Variants in JAKMIP1 observed in about 807,000 individuals in gnomAD.
The protein encoded by JAKMIP1 is janus kinase and microtubule-interacting protein 1.
Under a neutral mutation model 113.0 loss-of-function variants are expected in JAKMIP1, and 33 were observed. The observed-to-expected ratio is 0.29, with a 90% CI of 0.22 to 0.39. The LOEUF (loss-of-function observed/expected upper bound fraction) is 0.39, where lower values mean the gene tolerates loss of function less well. JAKMIP1 is among the 10% of genes least tolerant of loss of function. The pLI is 1.00. For missense variants in JAKMIP1, 813 were observed against 1,080.5 expected, an observed-to-expected ratio of 0.75 and a Z score of 3.47; for synonymous variants, 480 against 459.9, an observed-to-expected ratio of 1.04 and a Z score of -0.56.
chr4:6,169,996 A>C (rs868707349), intron 1 of JAKMIP1, among the ~76,000 whole-genome samples: 1,118 of 80,912 alleles, frequency 0.014, 22 homozygotes, highest in Admixed American at 0.079. Context: ...CACCACCACC[A>C]CCACCACCAC....
At chr4:6,151,896 T>G (rs1371509136) in intron 1 of JAKMIP1, among the ~76,000 whole-genome samples, 1 of 152,208 alleles carries the variant, frequency 6.6e-6, no homozygotes, top group Non-Finnish European at 1.5e-5. Flanking sequence ...GTAAAAGCAG[T>G]GAGCACAGTG....
chr4:6,063,396 A>G (rs1717591382), intron 9 of JAKMIP1, among the ~76,000 whole-genome samples: 1 of 152,228 alleles, frequency 6.6e-6, no homozygotes, highest in Non-Finnish European at 1.5e-5. Flanking sequence ...AGTTAAACAT[A>G]AAAGGCCCAT....
At chr4:6,198,016 G>A (rs368539186) in intron 1 of JAKMIP1, among the ~76,000 whole-genome samples, 8 of 152,248 alleles carry the variant, frequency 5.3e-5, no homozygotes, top group South Asian at 4.2e-4. Flanking sequence ...CTGACAGCAC[G>A]GGCAGTGTCT....
Position 6,143,334 on chromosome 4 carries a change from G to A in JAKMIP1, c.-147-30337C>T, listed in dbSNP as rs560401271. 9.2e-4 allele frequency among the ~76,000 whole-genome samples: 140 copies of A among 152,256 alleles called. No individual in the cohort carries two copies. The highest frequency in any genetic ancestry group is 3.2e-3 in the African/African-American group (132 of 41,530). Reference sequence around the variant, plus strand: ...CCTGTCTGAATCTCAGCCAATTCTGGGATCTGGGTGTGGGAAGCCTCCTTT... The same window carrying A: ...CCTGTCTGAATCTCAGCCAATTCTGAGATCTGGGTGTGGGAAGCCTCCTTT... On this transcript the variant is annotated intron_variant, in intron 1 of 20. Coordinates refer to ENST00000409021, the MANE Select transcript of JAKMIP1 (RefSeq NM_001099433.2). The surrounding 1 kb of genome is among the most constrained non-coding windows in gnomAD (Gnocchi z 4.9).
chr4:6,048,869 G>A lies in JAKMIP1; in HGVS notation c.2016C>T (p.Ala672=), dbSNP rs1560109076. The change falls in exon 16 of 21, where the codon GCC becomes GCT. Residue 672 remains alanine, a synonymous_variant. Transcript: ENST00000409021. Reference sequence around the variant, plus strand: ...CGCTGGCTTCTACCTTTTCACACAGGGCAAGCACAGTTCCAGCTTGGATTA... The same window carrying A: ...CGCTGGCTTCTACCTTTTCACACAGAGCAAGCACAGTTCCAGCTTGGATTA... ...VAIIQAGTVL[A]LCEKWLKQIE... 3.7e-6 allele frequency: 6 copies of A among 1,613,752 alleles called. No individual in the cohort carries two copies. The highest frequency in any genetic ancestry group is 5.1e-6 in the Non-Finnish European group (6 of 1,179,716).
chr4:6,165,297 T>C (rs1019479916), intron 1 of JAKMIP1, among the ~76,000 whole-genome samples: 2 of 152,244 alleles, frequency 1.3e-5, no homozygotes, highest in Non-Finnish European at 2.9e-5. Flanking sequence ...TGTTTTATTT[T>C]GTTTTGTTTT....
intron 17 of JAKMIP1, among the ~76,000 whole-genome samples, chr4:6,041,717 T>A (rs149637567): frequency 6.6e-6 from 1 of 152,306 alleles, no homozygotes; most frequent in African/African-American, 2.4e-5. Flanking sequence ...TAAAGTCCAG[T>A]TTCCCAAGTT....
At chr4:6,078,424 C>G (rs1466132469) in intron 8 of JAKMIP1, among the ~76,000 whole-genome samples, 1 of 128,802 alleles carries the variant, frequency 7.8e-6, no homozygotes, top group Non-Finnish European at 1.6e-5. Context: ...TTTTTGGTAT[C>G]AGCTCCAGTG....
intron 8 of JAKMIP1, among the ~76,000 whole-genome samples, chr4:6,073,026 C>T (rs1009645092): frequency 6.6e-6 from 1 of 150,394 alleles, no homozygotes; most frequent in African/African-American, 2.5e-5. Flanking sequence ...GTGAGCTGAG[C>T]TCCATCACGC....
rs1290790261 is a variant in JAKMIP1 at position 6,156,748 on chromosome 4, C to T, written c.-148+43505G>A. Among the ~76,000 whole-genome samples, 3 of 152,352 alleles carry T rather than the reference C, an allele frequency of 2.0e-5. No homozygotes were observed. Among genetic ancestry groups the T allele is most frequent in the African/African-American group, 7.2e-5 (3 of 41,582 alleles). On this transcript the variant is annotated intron_variant, in intron 1 of 20. Coordinates refer to ENST00000409021, the MANE Select transcript of JAKMIP1 (RefSeq NM_001099433.2). The surrounding 1 kb of genome is among the most constrained non-coding windows in gnomAD (Gnocchi z 5.0). Reference sequence around the variant, plus strand: ...AAGAAAGGTCAGTTCTGGGCTAGACCTTGGTTACATCCCAGCTCCACTGTC... The same window carrying T: ...AAGAAAGGTCAGTTCTGGGCTAGACTTTGGTTACATCCCAGCTCCACTGTC...
In JAKMIP1 at chr4:6,178,559, T is replaced by C. The variant is rs1342338375; in HGVS notation, c.-148+21694A>G. Among the ~76,000 whole-genome samples the C allele has an allele frequency of 2.6e-5, 4 of 152,300 alleles. No individual in the cohort carries two copies. Among genetic ancestry groups the C allele is most frequent in the East Asian group, 3.9e-4 (2 of 5,180 alleles). ...TTCTGATGATATTGGAAGCATTTCA[T>C]GAACCGGGATATTTCGAAACTGCAT... On this transcript the variant is annotated intron_variant, in intron 1 of 20. Coordinates refer to ENST00000409021, the MANE Select transcript of JAKMIP1 (RefSeq NM_001099433.2). This position sits in a 1 kb window ranked among gnomAD's most constrained non-coding sequence, Gnocchi z 5.5.
At chr4:6,111,151 T>C (rs1185942128) in intron 2 of JAKMIP1, among the ~76,000 whole-genome samples, 1 of 152,020 alleles carries the variant, frequency 6.6e-6, no homozygotes, top group African/African-American at 2.4e-5. Flanking sequence ...CCCAGCCCCG[T>C]CCCCACCTGG....
At chr4:6,112,516 T>C (rs984642257) in intron 2 of JAKMIP1, among the ~76,000 whole-genome samples, 1 of 152,216 alleles carries the variant, frequency 6.6e-6, no homozygotes, top group African/African-American at 2.4e-5. Context: ...AGTGGCTTTT[T>C]GAAGGTCACA....
In JAKMIP1 at chr4:6,112,901, G is replaced by C; in HGVS notation, c.-51C>G. The C allele has an allele frequency of 6.3e-7, 1 of 1,584,416 alleles. No individual in the cohort carries two copies. The highest frequency in any genetic ancestry group is 8.6e-7 in the Non-Finnish European group (1 of 1,161,904). On this transcript the variant is annotated 5_prime_UTR_variant, in exon 2 of 21. Transcript: ENST00000409021. The stretch of plus-strand genomic sequence containing the variant: ...GATCCTGCGGTCCACACCTGTTCAC[G>C]CACGCCAGCCAGCAGGCGTGGCTAC...
chr4:6,095,674 G>A (rs1711616212), intron 3 of JAKMIP1, among the ~76,000 whole-genome samples: 1 of 152,196 alleles, frequency 6.6e-6, no homozygotes, highest in Non-Finnish European at 1.5e-5. Context: ...CATCTGATGT[G>A]TACGTAAGAT....
chr4:6,130,377 G>A (rs1490577108), intron 1 of JAKMIP1, among the ~76,000 whole-genome samples: 2 of 152,172 alleles, frequency 1.3e-5, no homozygotes, highest in Non-Finnish European at 2.9e-5. Context: ...ACAAACTACT[G>A]CTCCAACATT....
intron 19 of JAKMIP1, among the ~76,000 whole-genome samples, chr4:6,030,540 G>A (rs912654308): frequency 2.0e-5 from 3 of 152,090 alleles, no homozygotes; most frequent in Admixed American, 1.3e-4. Context: ...GAACTCCCCC[G>A]TTTCCAGATC....
At chr4:6,174,028 C>T (rs1357547137) in intron 1 of JAKMIP1, among the ~76,000 whole-genome samples, 1 of 152,166 alleles carries the variant, frequency 6.6e-6, no homozygotes, top group Admixed American at 6.5e-5. Flanking sequence ...AAGGTGGCAA[C>T]ACAGAGCAAG....
At chr4:6,027,458 G>A (rs1712003150) in intron 20 of JAKMIP1, among the ~76,000 whole-genome samples, 1 of 152,222 alleles carries the variant, frequency 6.6e-6, no homozygotes, top group Non-Finnish European at 1.5e-5. Flanking sequence ...CAGTGGGGGT[G>A]TGGCAGGAAA....
Sources: allele counts gnomAD v4.1 joint callset (sites outside exome capture counted in the v4.1 genomes callset), GRCh38; gene constraint gnomAD v4.1.1; non-coding constraint Gnocchi (gnomAD v3.1); transcripts MANE v1.5; gene names NCBI Gene and HGNC (gene_info 2026-07-23, HGNC 2026-07-21).